Variants in EYS observed in about 807,000 individuals in gnomAD.
EYS encodes the protein EGF-like photoreceptor maintenance factor.
Under a neutral mutation model 282.1 loss-of-function variants are expected in EYS, and 250 were observed. The observed-to-expected ratio is 0.89, with a 90% CI of 0.80 to 0.98. The LOEUF (loss-of-function observed/expected upper bound fraction) is 0.98. Among genes scored for constraint, EYS ranks in the 50% least tolerant of loss-of-function variants. The pLI, the probability that EYS is intolerant of heterozygous loss-of-function variation, is 0.00. For synonymous variants in EYS, 1,355 were observed against 1,282.9 expected (o/e 1.06, Z -1.20); for missense variants, 4,016 against 3,709.0 (o/e 1.08, Z -2.15).
intron 22 of EYS, among the ~76,000 whole-genome samples, chr6:64,632,690 A>G (rs1462464300): frequency 2.1e-4 from 1 of 4,736 alleles, no homozygotes; most frequent in African/African-American, 4.0e-4. Context: ...TTTATAGATG[A>G]TATTGTAAAC....
intron 10 of EYS, among the ~76,000 whole-genome samples, chr6:65,336,786 T>TGTTAAAAG (rs1770005662): frequency 6.6e-6 from 1 of 151,576 alleles, no homozygotes; most frequent in South Asian, 2.1e-4. Context: ...TAATTATATT[T>TGTTAAAAG]TTAACAGCTT....
At chr6:65,233,119 T>C (rs964478194) in intron 12 of EYS, among the ~76,000 whole-genome samples, 2 of 152,170 alleles carry the variant, frequency 1.3e-5, no homozygotes, top group Non-Finnish European at 2.9e-5. Flanking sequence ...TCTTTGAGCA[T>C]GTTTTTAAGA....
chr6:64,704,875 T>C (rs981030951), intron 22 of EYS, among the ~76,000 whole-genome samples: 23 of 152,034 alleles, frequency 1.5e-4, no homozygotes, highest in African/African-American at 5.6e-4. Flanking sequence ...AAAATAGTAC[T>C]GAACGGGGAA....
chr6:64,438,671 ATG>A (rs1411937321), intron 27 of EYS, among the ~76,000 whole-genome samples: 1 of 151,662 alleles, frequency 6.6e-6, no homozygotes, highest in Non-Finnish European at 1.5e-5. Context: ...AAGACAATGA[ATG>A]TTAATTCAAA....
intron 12 of EYS, among the ~76,000 whole-genome samples, chr6:65,181,704 C>G (rs1252118422): frequency 3.3e-5 from 5 of 152,138 alleles, no homozygotes; most frequent in East Asian, 3.9e-4. Flanking sequence ...CATCCCATTA[C>G]TGGGTATATA....
chr6:64,798,620 T>TA, intron 22 of EYS, among the ~76,000 whole-genome samples: 1 of 149,458 alleles, frequency 6.7e-6, no homozygotes, highest in Admixed American at 6.7e-5. Context: ...TTTTTTTTTT[T>TA]TTTTTTTGCA....
At chr6:65,260,875 C>T (rs1029024822) in intron 12 of EYS, among the ~76,000 whole-genome samples, 19 of 152,096 alleles carry the variant, frequency 1.2e-4, no homozygotes, top group African/African-American at 4.1e-4. Flanking sequence ...AAAGAGATCA[C>T]TACCTTTATT....
intron 22 of EYS, among the ~76,000 whole-genome samples, chr6:64,752,052 C>A (rs1772776806): frequency 6.6e-6 from 1 of 151,992 alleles, no homozygotes; most frequent in Non-Finnish European, 1.5e-5. Context: ...ATAAACAATT[C>A]TGGAACTATG....
intron 31 of EYS, among the ~76,000 whole-genome samples, chr6:64,136,154 A>C (rs947853618): frequency 1.5e-4 from 23 of 152,082 alleles, no homozygotes; most frequent in African/African-American, 5.5e-4. Flanking sequence ...AAAAAAAAAA[A>C]AAACCACCTT....
At chr6:64,755,152 C>G (rs370330189) in intron 22 of EYS, among the ~76,000 whole-genome samples, 7 of 152,156 alleles carry the variant, frequency 4.6e-5, no homozygotes, top group South Asian at 2.1e-4. Flanking sequence ...CAATAACAAA[C>G]AAGTTGAGAA....
rs530499142 is a variant in EYS at position 65,298,575 on chromosome 6, C to T, written c.1767-2456G>A. ...GTGTACTCGTCTTTTTAAAATTTGA[C>T]GAGTTGTGGTTAGAGCAACAACCTA... On this transcript the variant is annotated intron_variant, in intron 11 of 42. Coordinates refer to ENST00000503581, the MANE Select transcript of EYS (RefSeq NM_001142800.2). 2.9e-4 allele frequency among the ~76,000 whole-genome samples: 44 copies of T among 151,912 alleles called. No homozygotes were observed. The South Asian group carries it at 8.7e-3, about 30-fold the overall frequency.
chr6:63,756,072 C>G (rs1211471404), intron 41 of EYS, among the ~76,000 whole-genome samples: 1 of 152,166 alleles, frequency 6.6e-6, no homozygotes, highest in East Asian at 1.9e-4. Context: ...ATGTCATCTG[C>G]AAACAGAGAC....
chr6:64,422,963 A>C (rs1774284407), intron 28 of EYS, among the ~76,000 whole-genome samples: 1 of 138,592 alleles, frequency 7.2e-6, no homozygotes, highest in South Asian at 2.3e-4. Context: ...GGCATATAAA[A>C]TACTTTCTTT....
At chr6:64,273,768 T>C (rs920719892) in intron 30 of EYS, among the ~76,000 whole-genome samples, 4 of 152,202 alleles carry the variant, frequency 2.6e-5, no homozygotes, top group Admixed American at 2.6e-4. Context: ...CTTGCATGCT[T>C]TCTATTTTTG....
chr6:64,923,137 A>G (rs1768403818), intron 15 of EYS, among the ~76,000 whole-genome samples: 1 of 152,034 alleles, frequency 6.6e-6, no homozygotes, highest in South Asian at 2.1e-4. Flanking sequence ...TGATAAAGAC[A>G]TACTAGACAC....
At chr6:65,044,961 GC>G (rs2150151247) in intron 13 of EYS, among the ~76,000 whole-genome samples, 1 of 151,882 alleles carries the variant, frequency 6.6e-6, no homozygotes, top group South Asian at 2.1e-4. Context: ...ACTGAAGGTA[GC>G]CCTCAGGTGA....
At chr6:65,095,248 G>A (rs913577482) in intron 12 of EYS, among the ~76,000 whole-genome samples, 1 of 151,214 alleles carries the variant, frequency 6.6e-6, no homozygotes, top group Admixed American at 6.6e-5. Context: ...GGTGGTACCA[G>A]AGGCCGTAGT....
intron 35 of EYS, among the ~76,000 whole-genome samples, chr6:63,875,508 C>T (rs1772944337): frequency 6.6e-6 from 1 of 152,160 alleles, no homozygotes; most frequent in Admixed American, 6.5e-5. Flanking sequence ...GGAGGAGTCC[C>T]TCTTTTTCTA....
intron 36 of EYS, among the ~76,000 whole-genome samples, chr6:63,827,922 C>A (rs1771520784): frequency 6.7e-6 from 1 of 149,638 alleles, no homozygotes; most frequent in African/African-American, 2.5e-5. Context: ...AACTTGAAAT[C>A]AACTCCAAAA....
Sources: gnomAD v4.1 joint callset for allele counts (sites outside exome capture counted in the v4.1 genomes callset) on GRCh38, gnomAD v4.1.1 for gene constraint, MANE v1.5 for transcripts, NCBI Gene and HGNC (gene_info 2026-07-23, HGNC 2026-07-21) for gene names.